The following SORCS1 variants were observed in gnomAD, a reference collection of about 807,000 sequenced individuals.
SORCS1 encodes sortilin related VPS10 domain containing receptor 1.
In SORCS1, 60 loss-of-function variants were observed where a neutral mutation model predicts 146.1. That is an observed-to-expected ratio of 0.41 (90% confidence interval 0.33 to 0.51). The LOEUF is 0.51. Among genes scored for constraint, SORCS1 ranks in the 20% least tolerant of loss-of-function variants. SORCS1 has a pLI of 0.21. For synonymous variants in SORCS1, 637 were observed against 584.0 expected (o/e 1.09, Z -1.31); for missense variants, 1,352 against 1,487.6 (o/e 0.91, Z 1.50).
chr10:106,990,267 C>A (rs992368177), intron 1 of SORCS1, among the ~76,000 whole-genome samples: 1 of 152,002 alleles, frequency 6.6e-6, no homozygotes, highest in Admixed American at 6.6e-5. Flanking sequence ...AAGTCTACTG[C>A]TATTTCAAAT....
At chr10:107,028,559 G>C (rs957673153) in intron 1 of SORCS1, among the ~76,000 whole-genome samples, 1 of 152,206 alleles carries the variant, frequency 6.6e-6, no homozygotes. Context: ...GTGCTCATTA[G>C]TAAGAGCATC....
At chr10:107,106,443 G>C (rs971559155) in intron 1 of SORCS1, among the ~76,000 whole-genome samples, 9 of 152,136 alleles carry the variant, frequency 5.9e-5, no homozygotes, top group African/African-American at 2.2e-4. Context: ...AACCAGACCT[G>C]ACAACTACCT....
At chr10:107,078,218 T>C (rs1241085519) in intron 1 of SORCS1, among the ~76,000 whole-genome samples, 1 of 152,232 alleles carries the variant, frequency 6.6e-6, no homozygotes, top group Non-Finnish European at 1.5e-5. Context: ...TAATTTTAAA[T>C]GTTCTAAGAC....
rs766693694 is a variant in SORCS1 at position 106,667,735 on chromosome 10, G to A, written c.2257C>T (p.Leu753=). The A allele has an allele frequency of 3.1e-6, 5 of 1,614,018 alleles. No individual in the cohort carries two copies. The East Asian group carries it at 8.9e-5, about 29-fold the overall frequency. ...LPAFWFNPSS[L]SKDCSLGQSY... is the part of the protein sequence containing the mutation. The stretch of plus-strand genomic sequence containing the variant: ...TGTCCCAAGCTGCAATCCTTTGACA[G>A]AGAGGATGGATTGAACCAAAATGCC... The change falls in exon 17 of 26, where the codon CTG becomes TTG. Residue 753 remains leucine, a synonymous_variant. Coordinates refer to ENST00000263054, the MANE Select transcript of SORCS1 (RefSeq NM_052918.5).
At chr10:107,179,573 G>A in the SORCS1 span, among the ~76,000 whole-genome samples, 1 of 152,110 alleles carries the variant, frequency 6.6e-6, no homozygotes, top group African/African-American at 2.4e-5. Flanking sequence ...CAATTCCTCT[G>A]CATATTTGCC....
intron 1 of SORCS1, among the ~76,000 whole-genome samples, chr10:107,055,206 T>C (rs17122007): frequency 0.011 from 1,620 of 152,292 alleles, 14 homozygotes; most frequent in South Asian, 0.028. Context: ...TTATTTTGCC[T>C]ACATCAACAG....
intron 9 of SORCS1, among the ~76,000 whole-genome samples, chr10:106,688,920 T>C (rs1853086755): frequency 6.6e-6 from 1 of 152,236 alleles, no homozygotes; most frequent in Non-Finnish European, 1.5e-5. Context: ...ATTATCAAGC[T>C]ATCTGCAGGC....
chr10:107,016,123 T>C (rs1957886920), intron 1 of SORCS1, among the ~76,000 whole-genome samples: 1 of 152,172 alleles, frequency 6.6e-6, no homozygotes, highest in South Asian at 2.1e-4. Flanking sequence ...TTTTAATAAA[T>C]CTATAAGACA....
At chr10:106,778,570 A>G (rs1860642857) in intron 3 of SORCS1, among the ~76,000 whole-genome samples, 2 of 152,216 alleles carry the variant, frequency 1.3e-5, no homozygotes, top group African/African-American at 2.4e-5. Flanking sequence ...AATATTTCCA[A>G]GTGAGTTCAT....
At chr10:106,769,176 G>C (rs1166730817) in intron 4 of SORCS1, among the ~76,000 whole-genome samples, 1 of 152,102 alleles carries the variant, frequency 6.6e-6, no homozygotes, top group Non-Finnish European at 1.5e-5. Flanking sequence ...TTCTGTGAAG[G>C]CTCACTCAGG....
At chr10:106,880,366 T>C (rs1435598618) in intron 2 of SORCS1, among the ~76,000 whole-genome samples, 2 of 152,122 alleles carry the variant, frequency 1.3e-5, no homozygotes, top group African/African-American at 2.4e-5. Context: ...AAAGAAAAAA[T>C]ACCTATGAAC....
chr10:106,617,622 T>C (rs952807173), intron 21 of SORCS1, among the ~76,000 whole-genome samples: 10 of 152,230 alleles, frequency 6.6e-5, no homozygotes, highest in African/African-American at 2.4e-4. Context: ...AATTAGCCAT[T>C]TGTTCAAATA....
chr10:106,698,879 CCT>C (rs1180670087), intron 9 of SORCS1, among the ~76,000 whole-genome samples: 1 of 152,098 alleles, frequency 6.6e-6, no homozygotes, highest in Non-Finnish European at 1.5e-5. Context: ...TACTCACAGC[CCT>C]GTCTGCCTTT....
At chr10:106,932,648 A>C (rs1271180001) in intron 2 of SORCS1, among the ~76,000 whole-genome samples, 1 of 152,168 alleles carries the variant, frequency 6.6e-6, no homozygotes, top group Non-Finnish European at 1.5e-5. Flanking sequence ...AGAAATCCAG[A>C]CCAAGTTTTG....
chr10:107,026,208 T>C (rs910318141), intron 1 of SORCS1, among the ~76,000 whole-genome samples: 2 of 152,122 alleles, frequency 1.3e-5, no homozygotes, highest in Non-Finnish European at 1.5e-5. Flanking sequence ...GGAGAAAAAA[T>C]GTTGTTCACC....
intron 3 of SORCS1, among the ~76,000 whole-genome samples, chr10:106,806,534 G>A (rs1194063876): frequency 3.4e-4 from 1 of 2,968 alleles, no homozygotes; most frequent in East Asian, 8.3e-3. Flanking sequence ...TTTTTTTTTT[G>A]AGATGGAGTC....
chr10:106,976,336 T>TTTTTTTG (rs1473099396), intron 1 of SORCS1, among the ~76,000 whole-genome samples: 1 of 127,872 alleles, frequency 7.8e-6, no homozygotes, highest in Non-Finnish European at 1.5e-5. Context: ...TTTTTTTGTT[T>TTTTTTTG]TTTTTTTTTT....
At chr10:106,937,825 A>T in intron 2 of SORCS1, among the ~76,000 whole-genome samples, 1 of 151,964 alleles carries the variant, frequency 6.6e-6, no homozygotes, top group East Asian at 1.9e-4. Flanking sequence ...TTAGCCGGAC[A>T]TGGTGGCAGG....
intron 5 of SORCS1, among the ~76,000 whole-genome samples, chr10:106,749,468 C>G (rs1252616851): frequency 6.6e-6 from 1 of 152,160 alleles, no homozygotes; most frequent in Non-Finnish European, 1.5e-5. Context: ...CAGCTGCAAG[C>G]CCCTTTATGG....
Sources: allele counts gnomAD v4.1 joint callset (sites outside exome capture counted in the v4.1 genomes callset), GRCh38; gene constraint gnomAD v4.1.1; transcripts MANE v1.5; gene names NCBI Gene and HGNC (gene_info 2026-07-23, HGNC 2026-07-21).